ATAD1: variants seen among roughly 807,000 people sequenced by gnomAD.
The protein encoded by ATAD1 is outer mitochondrial transmembrane helix translocase.
In ATAD1, 18 loss-of-function variants were observed where a neutral mutation model predicts 42.7. The observed-to-expected ratio is 0.42, with a 90% CI of 0.29 to 0.63. The LOEUF (loss-of-function observed/expected upper bound fraction) is 0.63, where lower values mean the gene tolerates loss of function less well. ATAD1 is among the 20% of genes least tolerant of loss of function. The pLI is 0.19. For synonymous variants in ATAD1, 132 were observed against 143.1 expected, an observed-to-expected ratio of 0.92 and a Z score of 0.55; for missense variants, 294 against 440.4, an observed-to-expected ratio of 0.67 and a Z score of 2.98.
intron 3 of ATAD1, among the ~76,000 whole-genome samples, chr10:87,790,748 C>T (rs1856057700): frequency 6.6e-6 from 1 of 152,092 alleles, no homozygotes; most frequent in Admixed American, 6.6e-5. Context: ...TGAGAACCAG[C>T]TGAGACATAA....
intron 1 of ATAD1, among the ~76,000 whole-genome samples, chr10:87,826,544 TA>T (rs1564789277): frequency 6.6e-6 from 1 of 152,258 alleles, no homozygotes; most frequent in East Asian, 1.9e-4. Context: ...GAAATGCTAA[TA>T]ATTCTTGGCT....
intron 2 of ATAD1, among the ~76,000 whole-genome samples, chr10:87,809,368 T>TA (rs1235076501): frequency 6.6e-6 from 1 of 152,106 alleles, no homozygotes; most frequent in Non-Finnish European, 1.5e-5. Flanking sequence ...GCATGTTATT[T>TA]AAAAAATCAT....
chr10:87,816,557 C>A (rs1187234251), intron 1 of ATAD1, among the ~76,000 whole-genome samples: 1 of 151,978 alleles, frequency 6.6e-6, no homozygotes, highest in African/African-American at 2.4e-5. Context: ...CACTGTCCGG[C>A]TATTATATTA....
intron 4 of ATAD1, among the ~76,000 whole-genome samples, chr10:87,785,519 T>C (rs996536357): frequency 2.6e-5 from 4 of 151,058 alleles, no homozygotes; most frequent in South Asian, 2.1e-4. Context: ...AAAACTGTAA[T>C]AGGCAGACCT....
intron 9 of ATAD1, among the ~76,000 whole-genome samples, chr10:87,755,144 T>C (rs1480913113): frequency 6.6e-6 from 1 of 152,238 alleles, no homozygotes; most frequent in Non-Finnish European, 1.5e-5. Flanking sequence ...AAAAATGTTA[T>C]ATGGTTTATT....
chr10:87,838,949 A>T (rs1857979733), intron 1 of ATAD1, among the ~76,000 whole-genome samples: 1 of 152,240 alleles, frequency 6.6e-6, no homozygotes, highest in Non-Finnish European at 1.5e-5. Context: ...AGACAAATAC[A>T]ATTGCCAACA....
At chr10:87,814,663 A>G in intron 1 of ATAD1, 51 bp from the exon 2 acceptor site, 1 of 1,320,028 alleles carries the variant, frequency 7.6e-7, no homozygotes. Context: ...ACTTATTAAA[A>G]TTGTAAGACT....
At chr10:87,781,629 A>G (rs1191970485) in intron 5 of ATAD1, among the ~76,000 whole-genome samples, 1 of 146,732 alleles carries the variant, frequency 6.8e-6, no homozygotes, top group Non-Finnish European at 1.5e-5. Context: ...AAATGACTCA[A>G]AATGGAAGAG....
chr10:87,796,673 T>C (rs1440885152), intron 2 of ATAD1, among the ~76,000 whole-genome samples: 2 of 152,218 alleles, frequency 1.3e-5, no homozygotes, highest in East Asian at 3.8e-4. Context: ...AACTGAGACC[T>C]GTCTCAGATA....
chr10:87,837,024 A>T (rs1251387394), intron 1 of ATAD1, among the ~76,000 whole-genome samples: 2 of 151,964 alleles, frequency 1.3e-5, no homozygotes, highest in African/African-American at 2.4e-5. Context: ...TTTCAATTTC[A>T]TTTTTTTATT....
chr10:87,806,802 A>G (rs1311756239), intron 2 of ATAD1, among the ~76,000 whole-genome samples: 3 of 152,214 alleles, frequency 2.0e-5, no homozygotes, highest in Non-Finnish European at 4.4e-5. Flanking sequence ...CCTAAAAACA[A>G]TAAATTCACA....
chr10:87,824,223 GA>G (rs1031781277), intron 1 of ATAD1, among the ~76,000 whole-genome samples: 6 of 147,594 alleles, frequency 4.1e-5, no homozygotes, highest in East Asian at 2.0e-4. Flanking sequence ...GATTAAAGAG[GA>G]AAAAAAAGGG....
chr10:87,819,276 A>AAAAAAAC (rs1256284731), upstream of ATAD1: 2 of 149,838 alleles, frequency 1.3e-5, no homozygotes, highest in African/African-American at 4.9e-5. Context: ...AAAAAAAAAA[A>AAAAAAAC]AAAAAAAAAA....
chr10:87,757,053 G>T, intron 8 of ATAD1, 131 bp from the exon 9 acceptor site: 1 of 699,538 alleles, frequency 1.4e-6, no homozygotes, highest in Non-Finnish European at 2.1e-6. Context: ...GTTTCTAGAA[G>T]CTTTTTTTAA....
chr10:87,768,509 T>C (rs1212098544), intron 7 of ATAD1, among the ~76,000 whole-genome samples: 2 of 152,206 alleles, frequency 1.3e-5, no homozygotes, highest in African/African-American at 4.8e-5. Context: ...ACAAATACTC[T>C]GTTAAACATT....
intron 1 of ATAD1, among the ~76,000 whole-genome samples, chr10:87,825,992 A>G (rs1857721660): frequency 6.6e-6 from 1 of 152,226 alleles, no homozygotes; most frequent in Non-Finnish European, 1.5e-5. Context: ...CACTTCTTCC[A>G]AAGGCCAGGG....
Position 87,796,108 on chromosome 10 carries a change from C to G in ATAD1, c.163-3353G>C, listed in dbSNP as rs377200590. On this transcript the variant is annotated intron_variant, in intron 2 of 9. Coordinates refer to ENST00000680024, the MANE Select transcript of ATAD1 (RefSeq NM_001321967.2). The stretch of plus-strand genomic sequence containing the variant: ...CATTTATTACAAACTTACATTAAAA[C>G]TCTGGAAAAACATCTTCTACACATG... Among the ~76,000 whole-genome samples, 23 of 152,128 alleles carry G rather than the reference C, an allele frequency of 1.5e-4. No individual in the cohort carries two copies. The East Asian group carries it at 3.3e-3, about 22-fold the overall frequency.
intron 1 of ATAD1, among the ~76,000 whole-genome samples, chr10:87,815,936 G>C (rs1432211029): frequency 6.6e-6 from 1 of 151,990 alleles, no homozygotes; most frequent in African/African-American, 2.4e-5. Context: ...TTTCCCTTCA[G>C]CGTATCTGTC....
intron 8 of ATAD1, among the ~76,000 whole-genome samples, chr10:87,761,114 G>C (rs1304976161): frequency 2.0e-5 from 3 of 151,872 alleles, no homozygotes; most frequent in African/African-American, 4.8e-5. Context: ...GCTCCACAAT[G>C]TATAAGTATG....
Sources: allele counts gnomAD v4.1 joint callset (sites outside exome capture counted in the v4.1 genomes callset), GRCh38; gene constraint gnomAD v4.1.1; transcripts MANE v1.5; gene names NCBI Gene and HGNC (gene_info 2026-07-23, HGNC 2026-07-21).